ZNF592: variants seen among roughly 807,000 people sequenced by gnomAD.
The protein encoded by ZNF592 is spinocerebellar ataxia, autosomal recessive 5.
A neutral mutation model predicts 80.3 loss-of-function variants in ZNF592; 11 were observed. That is an observed-to-expected ratio of 0.14 (90% confidence interval 0.09 to 0.23). The LOEUF is 0.23. Ranked by LOEUF, ZNF592 falls within the 10% of genes least tolerant of loss-of-function variation. ZNF592 has a pLI of 1.00. For synonymous variants in ZNF592, 646 were observed against 640.3 expected, an observed-to-expected ratio of 1.01 and a Z score of -0.13; for missense variants, 1,420 against 1,633.9, an observed-to-expected ratio of 0.87 and a Z score of 2.26.
In ZNF592 at chr15:84,784,179, G is replaced by A. The variant is rs1962514321; in HGVS notation, c.1504G>A (p.Ala502Thr). The A allele has an allele frequency of 6.2e-7, 1 of 1,614,176 alleles. No individual in the cohort carries two copies. Among genetic ancestry groups the A allele is most frequent in the Non-Finnish European group, 8.5e-7 (1 of 1,180,040 alleles). ...GGCCCCTGCCAACCTCCTGCCCAAA[G>A]CCGTGCACTTGGCCAACCTGAACCT... is the stretch of plus-strand genomic sequence containing the variant. ...TLAPANLLPK[A>T]VHLANLNLVP... is the part of the protein sequence containing the mutation. The change falls in exon 4 of 11, where the codon GCC (alanine) becomes ACC (threonine). Residue 502 changes from alanine to threonine, a missense_variant. Physicochemically the swap from Ala to Thr is moderately conservative, Grantham distance 58. Coordinates refer to ENST00000560079, the MANE Select transcript of ZNF592 (RefSeq NM_014630.3). This position sits in a 1 kb window ranked among gnomAD's most constrained non-coding sequence, Gnocchi z 5.8.
At chr15:84,756,247 A>G (rs1180556728) in intron 1 of ZNF592, among the ~76,000 whole-genome samples, 1 of 152,246 alleles carries the variant, frequency 6.6e-6, no homozygotes, top group Non-Finnish European at 1.5e-5. Flanking sequence ...GTCTTTGGAT[A>G]CAGGAACATT....
In ZNF592 at chr15:84,782,744, C is replaced by T. The variant is rs757422555; in HGVS notation, c.69C>T (p.Ser23=). ...LAAFDIPDPT[S]LDAKEAIQTP... The stretch of plus-strand genomic sequence containing the variant: ...CCTTTGACATCCCAGACCCCACCAG[C>T]CTTGATGCCAAGGAGGCCATCCAGA... The change falls in exon 4 of 11, where the codon AGC becomes AGT. Residue 23 remains serine (S), a synonymous_variant. Transcript: ENST00000560079. The T allele has an allele frequency of 6.2e-7, 1 of 1,614,140 alleles. No individual in the cohort carries two copies. The highest frequency in any genetic ancestry group is 8.5e-7 in the Non-Finnish European group (1 of 1,180,020).
intron 5 of ZNF592, among the ~76,000 whole-genome samples, chr15:84,796,294 TAA>T (rs781339991): frequency 0.12 from 5,230 of 42,548 alleles, 201 homozygotes; most frequent in Non-Finnish European, 0.14. Context: ...TATATATATA[TAA>T]AAAAACGAAG....
At chr15:84,789,893 G>T (rs939624256) in intron 4 of ZNF592, among the ~76,000 whole-genome samples, 2 of 152,140 alleles carry the variant, frequency 1.3e-5, no homozygotes, top group Non-Finnish European at 2.9e-5. Context: ...AGGCACCAGC[G>T]AAGTCTTTTA....
At position 84,799,734 on chromosome 15, in the gene ZNF592, A is replaced by C; in HGVS notation, c.3138-108A>C. 1 of 1,560,658 alleles carries C rather than the reference A, an allele frequency of 6.4e-7. No individual in the cohort carries two copies. Among genetic ancestry groups the C allele is most frequent in the East Asian group, 2.2e-5 (1 of 44,546 alleles). ...CTCTCTGGGGTTCCCAGCACTAGCCAGCCCAGGAGTCTGCTCCAGACTCCC... is the reference window on the plus strand; with the variant it reads ...CTCTCTGGGGTTCCCAGCACTAGCCCGCCCAGGAGTCTGCTCCAGACTCCC... On this transcript the variant is annotated intron_variant, in intron 9 of 10. Transcript: ENST00000560079. This position sits in a 1 kb window ranked among gnomAD's most constrained non-coding sequence, Gnocchi z 4.2.
intron 1 of ZNF592, among the ~76,000 whole-genome samples, chr15:84,752,917 C>T (rs1899053363): frequency 6.6e-6 from 1 of 152,162 alleles, no homozygotes; most frequent in Admixed American, 6.5e-5. Flanking sequence ...AATGAAACTG[C>T]AGAGTGACAG....
At chr15:84,762,664 A>T (rs545091909) in intron 1 of ZNF592, among the ~76,000 whole-genome samples, 19 of 152,260 alleles carry the variant, frequency 1.2e-4, no homozygotes, top group African/African-American at 4.6e-4. Flanking sequence ...GAGAGATTTG[A>T]AGGGTAACTG....
chr15:84,772,129 A>G (rs1359248001), intron 2 of ZNF592, among the ~76,000 whole-genome samples: 2 of 152,054 alleles, frequency 1.3e-5, no homozygotes, highest in African/African-American at 2.4e-5. Flanking sequence ...ACCATTCCCA[A>G]TCTGGGGCTT....
intron 3 of ZNF592, among the ~76,000 whole-genome samples, chr15:84,778,828 G>A (rs1962341302): frequency 6.6e-6 from 1 of 152,194 alleles, no homozygotes; most frequent in Non-Finnish European, 1.5e-5. Context: ...CGGAAGAATG[G>A]CGTGTGCATG....
At chr15:84,767,241 G>A (rs1215942726) in intron 2 of ZNF592, among the ~76,000 whole-genome samples, 1 of 152,048 alleles carries the variant, frequency 6.6e-6, no homozygotes, top group African/African-American at 2.4e-5. Context: ...TGCCTGGGTG[G>A]TCTCGAACTC....
At position 84,783,646 on chromosome 15, in the gene ZNF592, A is replaced by G; in HGVS notation, c.971A>G (p.Lys324Arg). 12 of 1,614,194 alleles carry G rather than the reference A, an allele frequency of 7.4e-6. No homozygotes were observed. Among genetic ancestry groups the G allele is most frequent in the Non-Finnish European group, 1.0e-5 (12 of 1,180,028 alleles). Residue 324 changes from lysine to arginine, a missense_variant, in exon 4 of 11, where the codon AAA (lysine) becomes AGA (arginine). Physicochemically the swap from Lys to Arg is conservative, Grantham distance 26. Around this residue, in one of 7 missense-constraint regions of ZNF592, gnomAD observed 524 missense variants for 628.3 expected, o/e 0.83. Transcript: ENST00000560079. The surrounding 1 kb of genome is among the most constrained non-coding windows in gnomAD (Gnocchi z 5.0). Reference sequence around the variant, plus strand: ...AAAGAGAGTTCTAAAGGTAGCCCCAAAATGCCCAAGTCACCAAAGAGTCCC... The same window carrying G: ...AAAGAGAGTTCTAAAGGTAGCCCCAGAATGCCCAAGTCACCAAAGAGTCCC... ...PTKESSKGSP[K>R]MPKSPKSPRS...
In ZNF592 at chr15:84,804,084, A is replaced by G. The variant is rs557711005; in HGVS notation, c.*1691A>G. 2 of 152,340 alleles carry G rather than the reference A, an allele frequency of 1.3e-5. No individual in the cohort carries two copies. The highest frequency in any genetic ancestry group is 4.1e-4 in the South Asian group (2 of 4,822). 9.4% of individuals were successfully genotyped at this position (152,340 alleles called of 1,614,324 possible). A position where few individuals can be genotyped will look rare whatever the true frequency, so the allele number is the denominator to read the frequency against. On this transcript the variant is annotated 3_prime_UTR_variant, in exon 11 of 11. Coordinates refer to ENST00000560079, the MANE Select transcript of ZNF592 (RefSeq NM_014630.3). Reference sequence around the variant, plus strand: ...TAGTGGAAATGCTAATGGCAGTGGGAAAGGTTGCCTCACTTTCAGAGAGAC... The same window carrying G: ...TAGTGGAAATGCTAATGGCAGTGGGGAAGGTTGCCTCACTTTCAGAGAGAC...
intron 2 of ZNF592, among the ~76,000 whole-genome samples, chr15:84,766,767 C>G (rs1378764062): frequency 6.8e-6 from 1 of 147,958 alleles, no homozygotes; most frequent in Admixed American, 6.8e-5. Flanking sequence ...GAACAGAACA[C>G]TTGGGAGAGA....
chr15:84,783,741 A>C lies in ZNF592; in HGVS notation c.1066A>C (p.Ser356Arg). The part of the protein sequence containing the change: ...SDSPRSICSD[S>R]SSKGSPSVAA... ...CAGCCCTCGTAGCATCTGCAGTGAC[A>C]GCAGCAGCAAAGGCTCACCGTCTGT... The change falls in exon 4 of 11, where the codon AGC (serine) becomes CGC (arginine). Residue 356 changes from serine (S) to arginine (R), a missense_variant. Ser to Arg is a moderately radical substitution (Grantham distance 110). Coordinates refer to ENST00000560079, the MANE Select transcript of ZNF592 (RefSeq NM_014630.3). The surrounding 1 kb of genome is among the most constrained non-coding windows in gnomAD (Gnocchi z 5.0). 6.2e-7 allele frequency: 1 copy of C among 1,614,212 alleles called. No individual in the cohort carries two copies. The highest frequency in any genetic ancestry group is 1.3e-5 in the African/African-American group (1 of 75,062).
rs769083270 is a variant in ZNF592, at chr15:84,783,953, G to A, written c.1278G>A (p.Val426=). Residue 426 remains valine, a synonymous_variant, in exon 4 of 11, where the codon GTG becomes GTA. Coordinates refer to ENST00000560079, the MANE Select transcript of ZNF592 (RefSeq NM_014630.3). The surrounding 1 kb of genome is among the most constrained non-coding windows in gnomAD (Gnocchi z 5.0). ...CCAGCGAGATGCCAGGGGATGAGGT[G>A]CCTGTGGAAGAGCACTTTCCTGAGG... The part of the protein sequence containing the change: ...EAPSEMPGDE[V]PVEEHFPEAG... 8 of 1,613,830 alleles carry A rather than the reference G, an allele frequency of 5.0e-6. No homozygotes were observed. The South Asian group carries it at 7.7e-5, about 16-fold the overall frequency.
At chr15:84,761,162 C>T (rs1189969233) in intron 1 of ZNF592, among the ~76,000 whole-genome samples, 1 of 152,038 alleles carries the variant, frequency 6.6e-6, no homozygotes, top group Non-Finnish European at 1.5e-5. Flanking sequence ...GATGGGGTTT[C>T]GCCATGTTGG....
intron 3 of ZNF592, among the ~76,000 whole-genome samples, chr15:84,782,395 C>T (rs1962444228): frequency 6.6e-6 from 1 of 152,142 alleles, no homozygotes; most frequent in African/African-American, 2.4e-5. Context: ...AATAACCAGC[C>T]ACCAATTTCC....
intron 1 of ZNF592, among the ~76,000 whole-genome samples, chr15:84,751,508 A>G (rs185883728): frequency 1.4e-4 from 21 of 152,226 alleles, no homozygotes; most frequent in African/African-American, 4.6e-4. Context: ...ACTCCCTCAT[A>G]CAGTTGTTGT....
intron 2 of ZNF592, among the ~76,000 whole-genome samples, chr15:84,766,725 G>A (rs975968495): frequency 1.3e-5 from 2 of 150,160 alleles, no homozygotes; most frequent in Non-Finnish European, 3.0e-5. Flanking sequence ...GTGTGTGTGT[G>A]TGTGTGTGTG....
Sources: gnomAD v4.1 joint callset for allele counts (sites outside exome capture counted in the v4.1 genomes callset) on GRCh38, gnomAD v4.1.1 for gene constraint, gnomAD v4.1.1 regional missense constraint, Gnocchi (gnomAD v3.1) non-coding constraint, MANE v1.5 for transcripts, NCBI Gene and HGNC (gene_info 2026-07-23, HGNC 2026-07-21) for gene names.